Variants in FOXP2 observed in about 807,000 individuals in gnomAD.
FOXP2 encodes the protein forkhead box protein P2.
In FOXP2, 12 loss-of-function variants were observed where a neutral mutation model predicts 115.8. The observed-to-expected ratio is 0.10, with a 90% CI of 0.07 to 0.17. The LOEUF is 0.17. Ranked by LOEUF, FOXP2 falls within the 10% of genes least tolerant of loss-of-function variation. FOXP2 has a pLI of 1.00. For missense variants in FOXP2, 629 were observed against 843.5 expected (o/e 0.75, Z 3.15); for synonymous variants, 328 against 297.7 (o/e 1.10, Z -1.05).
chr7:114,534,793 A>G, intron 3 of FOXP2, 87 bp downstream of exon 3: 1 of 988,640 alleles, frequency 1.0e-6, no homozygotes, highest in Non-Finnish European at 1.6e-6. Flanking sequence ...GTATATATAC[A>G]GGAAATTATT....
intron 3 of FOXP2, among the ~76,000 whole-genome samples, chr7:114,579,029 T>C (rs543687644): frequency 3.3e-5 from 5 of 152,290 alleles, no homozygotes; most frequent in African/African-American, 9.6e-5. Flanking sequence ...ATTTTCTCTT[T>C]ATTTAGACTA....
At chr7:114,356,973 C>T (rs1791631936) in intron 2 of FOXP2, among the ~76,000 whole-genome samples, 2 of 152,122 alleles carry the variant, frequency 1.3e-5, no homozygotes, top group Admixed American at 1.3e-4. Context: ...GAGCGTATTT[C>T]AACCATTTGC....
At chr7:114,526,172 T>TTAA (rs34956302) in intron 2 of FOXP2, among the ~76,000 whole-genome samples, 2 of 79,730 alleles carry the variant, frequency 2.5e-5, no homozygotes, top group East Asian at 4.0e-4. Flanking sequence ...GTTTCTTTAT[T>TTAA]AAAAAAAAAA....
intron 2 of FOXP2, among the ~76,000 whole-genome samples, chr7:114,471,234 T>C (rs1427610841): frequency 6.6e-6 from 1 of 152,216 alleles, no homozygotes; most frequent in Non-Finnish European, 1.5e-5. Context: ...AAATTTATTA[T>C]TGTCATAAAT....
intron 2 of FOXP2, among the ~76,000 whole-genome samples, chr7:114,510,923 C>G (rs1252657723): frequency 6.6e-6 from 1 of 152,154 alleles, no homozygotes; most frequent in Non-Finnish European, 1.5e-5. Flanking sequence ...TATTGTAGCA[C>G]TGTTCACAAT....
chr7:114,580,710 T>C (rs1801808941), intron 3 of FOXP2, among the ~76,000 whole-genome samples: 1 of 152,210 alleles, frequency 6.6e-6, no homozygotes, highest in Non-Finnish European at 1.5e-5. Flanking sequence ...TTATACCTGG[T>C]TATCTGTATT....
chr7:114,177,020 T>C (rs563252917), intron 1 of FOXP2, among the ~76,000 whole-genome samples: 1 of 152,288 alleles, frequency 6.6e-6, no homozygotes, highest in African/African-American at 2.4e-5. Flanking sequence ...TGTTATTGTG[T>C]ATAGTTAAGT....
rs533822942 is a variant in FOXP2 at position 114,111,719 on chromosome 7, A to T, written c.-247+23881A>T. On this transcript the variant is annotated intron_variant, in intron 1 of 19. Transcript: ENST00000635638. ...TGTAAAACAGGATTTAAAAAAATAT[A>T]TCCTGGTTGGAGGAAGAGATCTGTA... Among the ~76,000 whole-genome samples the T allele has an allele frequency of 2.6e-5, 4 of 152,170 alleles. No individual in the cohort carries two copies. In the East Asian group the frequency reaches 5.8e-4, roughly 22 times the overall value.
intron 11 of FOXP2, 88 bp downstream of exon 11, chr7:114,658,355 C>A: frequency 7.9e-7 from 1 of 1,259,810 alleles, no homozygotes; most frequent in Non-Finnish European, 1.1e-6. Context: ...TTCCAGAGCA[C>A]ATGGAAACTC....
intron 2 of FOXP2, among the ~76,000 whole-genome samples, chr7:114,501,787 T>C (rs1797576270): frequency 6.6e-6 from 1 of 152,098 alleles, no homozygotes; most frequent in Non-Finnish European, 1.5e-5. Flanking sequence ...AAATTCATAA[T>C]TATTTTTAAA....
chr7:114,509,893 G>A (rs1223075031), intron 2 of FOXP2, among the ~76,000 whole-genome samples: 1 of 150,938 alleles, frequency 6.6e-6, no homozygotes, highest in Admixed American at 6.6e-5. Context: ...GAGTTGAGAG[G>A]GAAAGGGAAA....
chr7:114,267,744 TAAA>T (rs1795928226), intron 1 of FOXP2, among the ~76,000 whole-genome samples: 1 of 131,544 alleles, frequency 7.6e-6, no homozygotes, highest in Non-Finnish European at 1.6e-5. Context: ...AATAAATAAA[TAAA>T]TAAATAAATA....
intron 6 of FOXP2, among the ~76,000 whole-genome samples, chr7:114,638,285 A>T (rs1805334367): frequency 6.6e-6 from 1 of 152,104 alleles, no homozygotes; most frequent in Non-Finnish European, 1.5e-5. Flanking sequence ...TCAAAATGAG[A>T]TTCAGGTTTT....
In FOXP2 at chr7:114,521,595, A is replaced by G. The variant is rs1402537872; in HGVS notation, c.169-13022A>G. On this transcript the variant is annotated intron_variant, in intron 2 of 16. Transcript: ENST00000350908. ...TAGAGAATGATTTCTTTTTATACTT[A>G]AACAATCTGCCTAAAATAATTGAAG... Among the ~76,000 whole-genome samples the G allele has an allele frequency of 2.0e-5, 3 of 151,320 alleles. No homozygotes were observed. In the Admixed American group the frequency reaches 2.0e-4, roughly 10 times the overall value.
intron 16 of FOXP2, among the ~76,000 whole-genome samples, chr7:114,675,661 A>G (rs1475733964): frequency 6.6e-6 from 1 of 152,172 alleles, no homozygotes; most frequent in Non-Finnish European, 1.5e-5. Flanking sequence ...TGTGCCAAGT[A>G]CTGAAGATTG....
chr7:114,329,249 G>A (rs752821693), intron 2 of FOXP2, among the ~76,000 whole-genome samples: 1 of 152,140 alleles, frequency 6.6e-6, no homozygotes, highest in Non-Finnish European at 1.5e-5. Flanking sequence ...CAGGCATGGT[G>A]GTTCACGCCT....
chr7:114,271,558 T>A (rs1796042214), intron 1 of FOXP2, among the ~76,000 whole-genome samples: 1 of 127,318 alleles, frequency 7.9e-6, no homozygotes. Context: ...TTATAATATA[T>A]AATATATAAT....
intron 16 of FOXP2, among the ~76,000 whole-genome samples, chr7:114,672,595 AT>A (rs202100429): frequency 4.1e-4 from 45 of 108,640 alleles, no homozygotes; most frequent in Admixed American, 8.6e-4. Context: ...AAAAAAAAAA[AT>A]ACCTATTACT....
At chr7:114,217,896 A>G (rs185827640) in intron 1 of FOXP2, among the ~76,000 whole-genome samples, 3 of 152,198 alleles carry the variant, frequency 2.0e-5, no homozygotes, top group African/African-American at 7.2e-5. Context: ...AATTTTAGCA[A>G]GTATCCCAAT....
Sources: gnomAD v4.1 joint callset for allele counts (sites outside exome capture counted in the v4.1 genomes callset) on GRCh38, gnomAD v4.1.1 for gene constraint, MANE v1.5 for transcripts, NCBI Gene and HGNC (gene_info 2026-07-23, HGNC 2026-07-21) for gene names.